Variants in CEP170 observed in about 807,000 individuals in gnomAD.
The protein encoded by CEP170 is centrosomal protein 170, also known as centrosomal protein of 170 kDa.
CEP170 carries 21 observed loss-of-function variants against 151.9 expected under a neutral mutation model. That is an observed-to-expected ratio of 0.14 (90% CI 0.10 to 0.20). The LOEUF (loss-of-function observed/expected upper bound fraction) is 0.20, where lower values mean the gene tolerates loss of function less well. Among genes scored for constraint, CEP170 ranks in the 10% least tolerant of loss-of-function variants. CEP170 has a pLI of 1.00. For synonymous variants in CEP170, 356 were observed against 648.8 expected (o/e 0.55, Z 6.86); for missense variants, 964 against 1,892.9 (o/e 0.51, Z 9.11).
At chr1:243,218,306 T>C (rs892944543) in intron 3 of CEP170, among the ~76,000 whole-genome samples, 1 of 152,144 alleles carries the variant, frequency 6.6e-6, no homozygotes, top group Non-Finnish European at 1.5e-5. Context: ...CAGTAACAAA[T>C]GGCAGGCTTG....
chr1:243,134,535 T>C (rs374846507), intron 17 of CEP170, among the ~76,000 whole-genome samples: 2 of 152,190 alleles, frequency 1.3e-5, no homozygotes, highest in African/African-American at 2.4e-5. Flanking sequence ...TCTTGCTCTG[T>C]TGCCCAGGCT....
In CEP170 at chr1:243,124,772, T is replaced by C. The variant is rs1401266136; in HGVS notation, c.*1677A>G. 1 of 152,632 alleles carries C rather than the reference T, an allele frequency of 6.6e-6. No homozygotes were observed. The highest frequency in any genetic ancestry group is 2.4e-5 in the African/African-American group (1 of 41,462). 9.5% of individuals were successfully genotyped at this position (152,632 alleles called of 1,614,324 possible). On this transcript the variant is annotated 3_prime_UTR_variant, in exon 20 of 20. Transcript: ENST00000366542. ...CTGTTTTAACATTTCGTTTATTCCT[T>C]CAAAGCATTTGTATCTTTCCATTTA...
intron 1 of CEP170, among the ~76,000 whole-genome samples, chr1:243,243,741 T>C (rs2065088487): frequency 6.6e-6 from 1 of 152,068 alleles, no homozygotes; most frequent in African/African-American, 2.4e-5. Context: ...ATGGCGAGGC[T>C]GGTCTTGAAC....
intron 1 of CEP170, among the ~76,000 whole-genome samples, chr1:243,226,198 G>T (rs201058057): frequency 2.0e-3 from 5 of 2,442 alleles, no homozygotes; most frequent in African/African-American, 3.4e-3. Flanking sequence ...TATATATCTA[G>T]ATATATATAT....
chr1:243,174,874 A>G (rs1188018241), intron 10 of CEP170: 1 of 152,224 alleles, frequency 6.6e-6, no homozygotes, highest in Non-Finnish European at 1.5e-5. Flanking sequence ...TAGCTATTCA[A>G]GTTATTTGTG....
Position 243,156,415 on chromosome 1 carries a change from G to A in CEP170, c.3717C>T (p.Ser1239=). 1.3e-6 allele frequency: 2 copies of A among 1,550,448 alleles called. No homozygotes were observed. The highest frequency in any genetic ancestry group is 1.7e-6 in the Non-Finnish European group (2 of 1,146,818). The change falls in exon 14 of 20, where the codon TCC becomes TCT. Residue 1239 remains serine, a synonymous_variant. Coordinates refer to ENST00000366542, the MANE Select transcript of CEP170 (RefSeq NM_014812.3). ...TTGATCCAAATTCATCTTCTGAGGTGGAAGCATAATCAGTAGGAAAGCGCC... is the reference window on the plus strand; with the variant it reads ...TTGATCCAAATTCATCTTCTGAGGTAGAAGCATAATCAGTAGGAAAGCGCC... ...RWRRFPTDYA[S]TSEDEFGSNR... is the part of the protein sequence containing the mutation.
intron 10 of CEP170, chr1:243,175,277 T>C (rs1223042035): frequency 6.6e-6 from 1 of 152,234 alleles, no homozygotes; most frequent in Non-Finnish European, 1.5e-5. Context: ...TTCGACAGAT[T>C]CCTTTTAAAG....
rs371632564 is a variant in CEP170 at position 243,164,739 on chromosome 1, G to A, written c.3221C>T (p.Thr1074Met). The change falls in exon 13 of 20, where the codon ACG becomes ATG. Residue 1074 changes from threonine (T) to methionine (M), a missense_variant. Coordinates refer to ENST00000366542, the MANE Select transcript of CEP170 (RefSeq NM_014812.3). ...VHSKLEGSKV[T>M]KSKTSPVVSG... is the part of the protein sequence containing the mutation. ...TACCACCGGAGAAGTCTTAGATTTC[G>A]TTACTTTACTTCCTTCCAGTTTGGA... is the stretch of plus-strand genomic sequence containing the variant. 5.6e-5 allele frequency: 90 copies of A among 1,613,296 alleles called. 1 individual carries two copies. In the African/African-American group the frequency reaches 8.1e-4, roughly 15 times the overall value.
chr1:243,162,235 C>T (rs2058122899), intron 13 of CEP170, among the ~76,000 whole-genome samples: 1 of 152,176 alleles, frequency 6.6e-6, no homozygotes, highest in South Asian at 2.1e-4. Context: ...AGCTTGCATA[C>T]AAGTAAACAC....
Position 243,172,768 on chromosome 1 carries a change from C to A in CEP170, c.1645G>T (p.Ala549Ser), listed in dbSNP as rs765050786. The change falls in exon 11 of 20, where the codon GCT (alanine) becomes TCT (serine). Residue 549 changes from alanine (A) to serine (S), a missense_variant. Transcript: ENST00000366542. ...ATTACTGCTGCAGCAGAACTGAGAG[C>A]CCAATCTTTTATTAGATCTTTATGT... is the stretch of plus-strand genomic sequence containing the variant. ...EKHKDLIKDW[A>S]LSSAAAVMEE... The A allele has an allele frequency of 8.9e-6, 14 of 1,575,616 alleles. No individual in the cohort carries two copies. Among genetic ancestry groups the A allele is most frequent in the African/African-American group, 1.4e-5 (1 of 73,926 alleles).
chr1:243,221,400 T>C (rs2062808037), intron 3 of CEP170, among the ~76,000 whole-genome samples: 1 of 152,218 alleles, frequency 6.6e-6, no homozygotes, highest in Non-Finnish European at 1.5e-5. Flanking sequence ...CTCACTGCCA[T>C]GACTTTTTAC....
In CEP170 at chr1:243,199,281, T is replaced by A. The variant is rs2060867424; in HGVS notation, c.497-87A>T. ...AGAATGCTAGAACTGCCTGCTTGAT[T>A]AATTAAATTAAAAAGCAAAGTATAG... On this transcript the variant is annotated intron_variant, in intron 6 of 19. Coordinates refer to ENST00000366542, the MANE Select transcript of CEP170 (RefSeq NM_014812.3). 2.1e-6 allele frequency: 3 copies of A among 1,401,680 alleles called. No homozygotes were observed. In the East Asian group the frequency reaches 7.4e-5, roughly 34 times the overall value. 86.8% of individuals were successfully genotyped at this position (1,401,680 alleles called of 1,614,324 possible). A position where few individuals can be genotyped will look rare whatever the true frequency, so the allele number is the denominator to read the frequency against.
intron 11 of CEP170, among the ~76,000 whole-genome samples, chr1:243,170,076 A>G (rs1314383548): frequency 6.6e-6 from 1 of 152,216 alleles, no homozygotes; most frequent in Non-Finnish European, 1.5e-5. Flanking sequence ...ACTAGTCACA[A>G]CAAATATTTT....
At chr1:243,179,964 T>G (rs1195297472) in intron 10 of CEP170, among the ~76,000 whole-genome samples, 1 of 152,126 alleles carries the variant, frequency 6.6e-6, no homozygotes, top group Non-Finnish European at 1.5e-5. Flanking sequence ...CACTTCAAAG[T>G]GAATTATGAG....
At position 243,125,459 on chromosome 1, in the gene CEP170, T is replaced by C. The variant is rs1007258881; in HGVS notation, c.*990A>G. On this transcript the variant is annotated 3_prime_UTR_variant, in exon 20 of 20. Coordinates refer to ENST00000366542, the MANE Select transcript of CEP170 (RefSeq NM_014812.3). ...ATCTTACGACTACTGGTTCTCCAAG[T>C]CCCCTAATGAAGAAAATTTTAACCT... The C allele has an allele frequency of 1.3e-5, 2 of 152,660 alleles. No individual in the cohort carries two copies. Among genetic ancestry groups the C allele is most frequent in the African/African-American group, 4.8e-5 (2 of 41,422 alleles). 9.5% of individuals were successfully genotyped at this position (152,660 alleles called of 1,614,324 possible). A position where few individuals can be genotyped will look rare whatever the true frequency, so the allele number is the denominator to read the frequency against.
At chr1:243,206,325 G>C (rs1393038666) in intron 4 of CEP170, among the ~76,000 whole-genome samples, 2 of 152,172 alleles carry the variant, frequency 1.3e-5, no homozygotes, top group African/African-American at 4.8e-5. Flanking sequence ...ATAGAGACAG[G>C]GTTTCCCCAT....
chr1:243,189,135 G>A, intron 8 of CEP170, among the ~76,000 whole-genome samples: 1 of 152,116 alleles, frequency 6.6e-6, no homozygotes, highest in East Asian at 1.9e-4. Flanking sequence ...TTTCTAGTAA[G>A]GGCTTAAAAG....
chr1:243,156,547 G>T, intron 13 of CEP170, 92 bp from the exon 14 acceptor site: 5 of 1,150,712 alleles, frequency 4.3e-6, no homozygotes, highest in Admixed American at 5.7e-5. Context: ...CCATGAGAGC[G>T]CACACACGGC....
chr1:243,254,894 C>G (rs947351138), intron 1 of CEP170, 146 bp downstream of exon 1: 4 of 152,110 alleles, frequency 2.6e-5, no homozygotes, highest in Non-Finnish European at 5.9e-5. Flanking sequence ...GGAAGCGCCC[C>G]CTTCGCGGTC....
Sources: allele counts gnomAD v4.1 joint callset (sites outside exome capture counted in the v4.1 genomes callset), GRCh38; gene constraint gnomAD v4.1.1; transcripts MANE v1.5; gene names NCBI Gene and HGNC (gene_info 2026-07-23, HGNC 2026-07-21).